The following NIBAN1 variants were observed in gnomAD, a reference collection of about 807,000 sequenced individuals.
NIBAN1 encodes protein Niban 1.
A neutral mutation model predicts 75.1 loss-of-function variants in NIBAN1; 81 were observed. The ratio of observed to expected loss-of-function variants is 1.08; its 90% CI spans 0.90 to 1.30. NIBAN1 has a LOEUF of 1.30. Ranked by LOEUF, NIBAN1 falls within the 50% of genes most tolerant of loss-of-function variation. The pLI is 0.00. For synonymous variants in NIBAN1, 436 were observed against 424.8 expected (o/e 1.03, Z -0.32); for missense variants, 1,133 against 1,128.1 (o/e 1.00, Z -0.06).
At chr1:184,909,981 C>A (rs949639485) in intron 1 of NIBAN1, among the ~76,000 whole-genome samples, 1 of 152,114 alleles carries the variant, frequency 6.6e-6, no homozygotes, top group African/African-American at 2.4e-5. Flanking sequence ...GCCAAAAACT[C>A]CACCTGAAAA....
chr1:184,968,266 C>CA (rs1434771911), intron 1 of NIBAN1, among the ~76,000 whole-genome samples: 2 of 151,114 alleles, frequency 1.3e-5, no homozygotes, highest in African/African-American at 4.9e-5. Context: ...GGCTTTGCAA[C>CA]ATGAGATTTG....
At chr1:184,914,025 T>C (rs995038861) in intron 1 of NIBAN1, among the ~76,000 whole-genome samples, 1 of 152,144 alleles carries the variant, frequency 6.6e-6, no homozygotes, top group Non-Finnish European at 1.5e-5. Context: ...AAGGAAGACA[T>C]AGACATCTAG....
chr1:184,971,952 A>T (rs554450425), intron 1 of NIBAN1, among the ~76,000 whole-genome samples: 23 of 152,280 alleles, frequency 1.5e-4, no homozygotes, highest in Admixed American at 5.2e-4. Context: ...CTAAGAAACA[A>T]TGTATTTTCA....
chr1:184,889,066 G>A (rs1487341830), intron 4 of NIBAN1, among the ~76,000 whole-genome samples: 1 of 152,048 alleles, frequency 6.6e-6, no homozygotes, highest in Non-Finnish European at 1.5e-5. Context: ...AAGAACCAGG[G>A]CTCTCTTCAA....
chr1:184,845,144 T>C (rs757165398), intron 5 of NIBAN1, among the ~76,000 whole-genome samples: 7 of 152,158 alleles, frequency 4.6e-5, no homozygotes, highest in African/African-American at 7.2e-5. Context: ...CATTTTCCCA[T>C]TGGGGTGGCC....
intron 1 of NIBAN1, among the ~76,000 whole-genome samples, chr1:184,929,858 T>A (rs192584633): frequency 6.6e-6 from 1 of 152,346 alleles, no homozygotes; most frequent in Admixed American, 6.5e-5. Context: ...TACTGAACAT[T>A]GTGCTTGATG....
At chr1:184,934,512 G>A (rs762882310) in intron 1 of NIBAN1, among the ~76,000 whole-genome samples, 4 of 152,006 alleles carry the variant, frequency 2.6e-5, no homozygotes, top group Admixed American at 6.5e-5. Flanking sequence ...ACCTGTAATC[G>A]CAGCACTTTG....
intron 1 of NIBAN1, among the ~76,000 whole-genome samples, chr1:184,961,694 C>G (rs571913192): frequency 3.7e-4 from 56 of 152,252 alleles, no homozygotes; most frequent in African/African-American, 1.1e-3. Context: ...TTGGTCTAAC[C>G]AAATCATGAT....
At chr1:184,839,574 CGT>C (rs10572240) in intron 5 of NIBAN1, among the ~76,000 whole-genome samples, 4,245 of 148,456 alleles carry the variant, frequency 0.029, 179 homozygotes, top group African/African-American at 0.097. Context: ...TGCACGCGCG[CGT>C]GTGTGTGTGT....
At chr1:184,864,826 CAT>C (rs938098925) in intron 5 of NIBAN1, among the ~76,000 whole-genome samples, 5 of 150,544 alleles carry the variant, frequency 3.3e-5, no homozygotes, top group African/African-American at 1.2e-4. Flanking sequence ...GGCCAACAAA[CAT>C]ATTTTAAGAA....
chr1:184,960,616 C>T (rs1018361885), intron 1 of NIBAN1, among the ~76,000 whole-genome samples: 5 of 71,660 alleles, frequency 7.0e-5, no homozygotes, highest in African/African-American at 2.2e-4. Context: ...CCAACAACAA[C>T]AACAAAATGT....
intron 5 of NIBAN1, among the ~76,000 whole-genome samples, chr1:184,855,185 T>C (rs1372954098): frequency 6.6e-6 from 1 of 152,246 alleles, no homozygotes; most frequent in Non-Finnish European, 1.5e-5. Context: ...AACTAGTTAC[T>C]AGTTATTAAA....
At position 184,845,078 on chromosome 1, in the gene NIBAN1, C is replaced by G. The variant is rs116291897; in HGVS notation, c.602-13116G>C. Among the ~76,000 whole-genome samples the G allele has an allele frequency of 7.6e-3, 1,162 of 152,304 alleles. 11 individuals carry two copies. Among genetic ancestry groups the G allele is most frequent in the African/African-American group, 0.026 (1,094 of 41,568 alleles). ...CTCTTTAATTTCTGGGTTATCTGAG[C>G]CCACAATGTGTACCAATTTTGAATA... On this transcript the variant is annotated intron_variant, in intron 5 of 13. Coordinates refer to ENST00000367511, the MANE Select transcript of NIBAN1 (RefSeq NM_052966.4).
intron 5 of NIBAN1, among the ~76,000 whole-genome samples, chr1:184,859,168 A>G (rs1655751627): frequency 6.6e-6 from 1 of 151,956 alleles, no homozygotes; most frequent in Admixed American, 6.5e-5. Flanking sequence ...AATTGTGTGT[A>G]TGTATATATA....
At chr1:184,925,668 C>G (rs376128446) in intron 1 of NIBAN1, among the ~76,000 whole-genome samples, 39 of 151,740 alleles carry the variant, frequency 2.6e-4, no homozygotes, top group African/African-American at 7.2e-4. Context: ...ACACTGATTG[C>G]ATAAACAAAT....
chr1:184,854,113 G>A (rs1019372347), intron 5 of NIBAN1, among the ~76,000 whole-genome samples: 1 of 152,090 alleles, frequency 6.6e-6, no homozygotes, highest in Non-Finnish European at 1.5e-5. Context: ...AATCTGATGT[G>A]CCTTTTATAC....
chr1:184,859,572 A>G (rs959554370), intron 5 of NIBAN1, among the ~76,000 whole-genome samples: 2 of 152,208 alleles, frequency 1.3e-5, no homozygotes, highest in Non-Finnish European at 2.9e-5. Flanking sequence ...CAATGGAAAC[A>G]AACCAAAAAG....
Position 184,894,111 on chromosome 1 carries a change from T to G in NIBAN1, c.282A>C (p.Lys94Asn), listed in dbSNP as rs2101981846. The change falls in exon 3 of 14, where the codon AAA becomes AAC. Residue 94 changes from lysine to asparagine, a missense_variant. Coordinates refer to ENST00000367511, the MANE Select transcript of NIBAN1 (RefSeq NM_052966.4). ...KKWKERYVVVKNDYAVESYEN... is the reference protein window; with the variant it reads ...KKWKERYVVVNNDYAVESYEN... ...CATAGCTCTCCACAGCATAATCATT[T>G]TTAACTACAACGTATCTCTCCTTCC... The G allele has an allele frequency of 6.2e-7, 1 of 1,612,640 alleles. No individual in the cohort carries two copies. The highest frequency in any genetic ancestry group is 8.5e-7 in the Non-Finnish European group (1 of 1,179,350).
chr1:184,885,580 C>A (rs960773159), intron 4 of NIBAN1, among the ~76,000 whole-genome samples: 1 of 152,214 alleles, frequency 6.6e-6, no homozygotes, highest in Non-Finnish European at 1.5e-5. Flanking sequence ...CACCCCCTCA[C>A]TCTACTGGCC....
Sources: allele counts gnomAD v4.1 joint callset (sites outside exome capture counted in the v4.1 genomes callset), GRCh38; gene constraint gnomAD v4.1.1; transcripts MANE v1.5; gene names NCBI Gene and HGNC (gene_info 2026-07-23, HGNC 2026-07-21).